CHRM3: variants seen among roughly 807,000 people sequenced by gnomAD.
The protein encoded by CHRM3 is cholinergic receptor muscarinic 3.
A neutral mutation model predicts 41.8 loss-of-function variants in CHRM3; 11 were observed. The observed-to-expected ratio is 0.26, with a 90% confidence interval of 0.17 to 0.44. The LOEUF is 0.44. CHRM3 is among the 20% of genes least tolerant of loss of function. CHRM3 has a pLI of 1.00. For missense variants in CHRM3, 571 were observed against 745.4 expected (o/e 0.77, Z 2.72); for synonymous variants, 297 against 301.4 (o/e 0.99, Z 0.15).
chr1:239,554,946 T>C (rs536501257), intron 3 of CHRM3, among the ~76,000 whole-genome samples: 1 of 152,086 alleles, frequency 6.6e-6, no homozygotes, highest in Non-Finnish European at 1.5e-5. Flanking sequence ...GCCAGGCTGG[T>C]CTCAAACTCC....
chr1:239,553,088 G>A (rs768771781), intron 3 of CHRM3, among the ~76,000 whole-genome samples: 12 of 152,084 alleles, frequency 7.9e-5, no homozygotes, highest in Admixed American at 2.6e-4. Context: ...ACGAGGAGAC[G>A]TATACTGTTC....
At chr1:239,469,267 G>A (rs1665943030) in intron 1 of CHRM3, among the ~76,000 whole-genome samples, 1 of 152,180 alleles carries the variant, frequency 6.6e-6, no homozygotes, top group African/African-American at 2.4e-5. Flanking sequence ...GATCATACCT[G>A]TGTGTCTCTG....
intron 3 of CHRM3, among the ~76,000 whole-genome samples, chr1:239,622,954 A>G (rs1668545052): frequency 6.6e-6 from 1 of 151,962 alleles, no homozygotes. Context: ...AGCAAACTTC[A>G]TTGTTTCTTA....
chr1:239,611,667 C>T (rs1035133741), intron 3 of CHRM3, among the ~76,000 whole-genome samples: 3 of 152,092 alleles, frequency 2.0e-5, no homozygotes, highest in Non-Finnish European at 4.4e-5. Context: ...GATCCGCCCG[C>T]CTTGGCCTCC....
At position 239,405,943 on chromosome 1, in the gene CHRM3, C is replaced by T. The variant is rs185450340; in HGVS notation, c.-521+18716C>T. On this transcript the variant is annotated intron_variant, in intron 1 of 6. Coordinates refer to ENST00000676153, the MANE Select transcript of CHRM3 (RefSeq NM_001375978.1). ...CTATCATCAGGCTGGAGTGTAGTGCCGCGATCTCAGCTCACTGCAATCACT... is the reference window on the plus strand; with the variant it reads ...CTATCATCAGGCTGGAGTGTAGTGCTGCGATCTCAGCTCACTGCAATCACT... Among the ~76,000 whole-genome samples, 174 of 152,134 alleles carry T rather than the reference C, an allele frequency of 1.1e-3. 1 individual carries two copies. Among genetic ancestry groups the T allele is most frequent in the African/African-American group, 4.1e-3 (169 of 41,514 alleles).
At chr1:239,674,673 G>A (rs891788097) in intron 4 of CHRM3, among the ~76,000 whole-genome samples, 34 of 139,156 alleles carry the variant, frequency 2.4e-4, no homozygotes, top group African/African-American at 9.2e-4. Context: ...TTGCGCCACT[G>A]CACTCCAGCC....
At chr1:239,567,272 G>C (rs1207308454) in intron 3 of CHRM3, among the ~76,000 whole-genome samples, 1 of 150,050 alleles carries the variant, frequency 6.7e-6, no homozygotes, top group East Asian at 2.0e-4. Flanking sequence ...AGGGGTTCAA[G>C]TCCAGTCTGG....
At chr1:239,592,152 A>C (rs1430329599) in intron 3 of CHRM3, among the ~76,000 whole-genome samples, 1 of 152,276 alleles carries the variant, frequency 6.6e-6, no homozygotes, top group South Asian at 2.1e-4. Flanking sequence ...CATTAAAAAT[A>C]GATAGAGTCC....
At chr1:239,876,716 GA>G (rs1485240576) in intron 6 of CHRM3, among the ~76,000 whole-genome samples, 2 of 152,166 alleles carry the variant, frequency 1.3e-5, no homozygotes, top group African/African-American at 4.8e-5. Flanking sequence ...AGAAGGGCAG[GA>G]ATAAACAGCA....
intron 1 of CHRM3, among the ~76,000 whole-genome samples, chr1:239,457,758 TA>T (rs1246942453): frequency 6.6e-6 from 1 of 152,222 alleles, no homozygotes; most frequent in Non-Finnish European, 1.5e-5. Context: ...ATACATTTGT[TA>T]CTTTTGTTTC....
At chr1:239,619,811 G>C (rs1209118814) in intron 3 of CHRM3, among the ~76,000 whole-genome samples, 1 of 151,924 alleles carries the variant, frequency 6.6e-6, no homozygotes. Flanking sequence ...TGATTTAAGA[G>C]AGAGTGAGAG....
rs181700956 is a variant in CHRM3, at chr1:239,493,525, T to C, written c.-422+718T>C. On this transcript the variant is annotated intron_variant, in intron 2 of 6. Coordinates refer to ENST00000676153, the MANE Select transcript of CHRM3 (RefSeq NM_001375978.1). ...GATGAACATTTATTTATATTGTTTC[T>C]TGAAAACTTTTTAAAAATAATAGTA... Among the ~76,000 whole-genome samples the C allele has an allele frequency of 2.6e-3, 390 of 152,362 alleles. 1 individual carries two copies. Among genetic ancestry groups the C allele is most frequent in the African/African-American group, 9.1e-3 (377 of 41,590 alleles).
chr1:239,726,229 T>A (rs1663425624), intron 5 of CHRM3, among the ~76,000 whole-genome samples: 1 of 151,956 alleles, frequency 6.6e-6, no homozygotes, highest in Non-Finnish European at 1.5e-5. Context: ...TGTGTCTAGA[T>A]GCTGTTACAT....
chr1:239,725,918 T>C (rs556759547), intron 5 of CHRM3, among the ~76,000 whole-genome samples: 5 of 151,936 alleles, frequency 3.3e-5, no homozygotes, highest in Non-Finnish European at 7.4e-5. Flanking sequence ...TATTATAAAA[T>C]ATTACAAAAA....
intron 6 of CHRM3, among the ~76,000 whole-genome samples, chr1:239,843,660 C>G (rs892160216): frequency 1.3e-4 from 20 of 151,994 alleles, no homozygotes; most frequent in Non-Finnish European, 2.2e-4. Flanking sequence ...GATGACACTT[C>G]CACGTTACCA....
intron 1 of CHRM3, among the ~76,000 whole-genome samples, chr1:239,463,112 C>T (rs1665476289): frequency 6.6e-6 from 1 of 152,124 alleles, no homozygotes; most frequent in Admixed American, 6.5e-5. Flanking sequence ...GTCACACCTC[C>T]TTATAATGGT....
intron 2 of CHRM3, among the ~76,000 whole-genome samples, chr1:239,507,271 G>A (rs114566106): frequency 0.012 from 1,858 of 152,212 alleles, 36 homozygotes; most frequent in African/African-American, 0.043. Flanking sequence ...TGGGAGGGAG[G>A]GACACAGTGG....
chr1:239,460,217 T>C (rs1232239545), intron 1 of CHRM3, among the ~76,000 whole-genome samples: 1 of 152,138 alleles, frequency 6.6e-6, no homozygotes, highest in Non-Finnish European at 1.5e-5. Flanking sequence ...TGGGGAAGAA[T>C]GGAAAGGCCA....
At chr1:239,684,770 G>GAAAGAAAGAAAGAAAGAAAGAAAGAA (rs142339442) in intron 5 of CHRM3, among the ~76,000 whole-genome samples, 2,983 of 128,754 alleles carry the variant, frequency 0.023, 158 homozygotes, top group South Asian at 0.034. Context: ...AAGAAAGAAA[G>GAAAGAAAGAAAGAAAGAAAGAAAGAA]AGAAAGAGAA....
Sources: gnomAD v4.1 joint callset for allele counts (sites outside exome capture counted in the v4.1 genomes callset) on GRCh38, gnomAD v4.1.1 for gene constraint, MANE v1.5 for transcripts, NCBI Gene and HGNC (gene_info 2026-07-23, HGNC 2026-07-21) for gene names.